FBLN7: variants seen among roughly 807,000 people sequenced by gnomAD.
The protein encoded by FBLN7 is fibulin 7, also known as fibulin-7.
Under a neutral mutation model 44.0 loss-of-function variants are expected in FBLN7, and 31 were observed. That is an observed-to-expected ratio of 0.70 (90% CI 0.53 to 0.95). FBLN7 has a LOEUF of 0.95. FBLN7 is among the 40% of genes least tolerant of loss of function. The probability of loss-of-function intolerance (pLI) is 0.00; values close to 1 mark genes in which losing one functional copy is unlikely to be tolerated. For synonymous variants in FBLN7, 262 were observed against 253.4 expected, an observed-to-expected ratio of 1.03 and a Z score of -0.32; for missense variants, 573 against 618.5, an observed-to-expected ratio of 0.93 and a Z score of 0.78.
the FBLN7 span, among the ~76,000 whole-genome samples, chr2:112,225,660 T>A: frequency 3.3e-5 from 5 of 151,842 alleles, no homozygotes; most frequent in Non-Finnish European, 7.4e-5. Flanking sequence ...CTACTAAAAA[T>A]ACAAAAATTA....
At chr2:112,229,217 T>C in the FBLN7 span, among the ~76,000 whole-genome samples, 1 of 152,152 alleles carries the variant, frequency 6.6e-6, no homozygotes, top group Non-Finnish European at 1.5e-5. Flanking sequence ...AATTAAATAA[T>C]GCTTGGGAGA....
chr2:112,183,077 C>A, intron 6 of FBLN7, 149 bp downstream of exon 6: 2 of 1,027,418 alleles, frequency 1.9e-6, no homozygotes, highest in South Asian at 1.7e-5. Context: ...AAGGGCTTCT[C>A]AAAGGTCAGG....
Position 112,159,664 on chromosome 2 carries a change from T to C in FBLN7, c.76-12T>C. 1 of 1,513,022 alleles carries C rather than the reference T, an allele frequency of 6.6e-7. No homozygotes were observed. Among genetic ancestry groups the C allele is most frequent in the Admixed American group, 2.1e-5 (1 of 47,232 alleles). The allele number at this position is 1,513,022 out of a possible 1,614,324, so 93.7% of individuals were successfully genotyped here. A position where few individuals can be genotyped will look rare whatever the true frequency, so the allele number is the denominator to read the frequency against. On this transcript the variant is annotated splice_polypyrimidine_tract_variant and intron_variant, in intron 1 of 7. Coordinates refer to ENST00000331203, the MANE Select transcript of FBLN7 (RefSeq NM_153214.3). ...CTCAATGGGTGGTGGCGGCGATGTC[T>C]TCTCTCCGCAGAACTGTCTCAGCAA...
Position 112,158,538 on chromosome 2 carries a change from C to T in FBLN7, c.76-1138C>T, listed in dbSNP as rs986744178. Reference sequence around the variant, plus strand: ...GCAACCTCTGCCTCCCAGGTTCAAGCGATTCTCCTGCCTCAGCCTCCCGAG... The same window carrying T: ...GCAACCTCTGCCTCCCAGGTTCAAGTGATTCTCCTGCCTCAGCCTCCCGAG... On this transcript the variant is annotated intron_variant, in intron 1 of 7. Transcript: ENST00000331203. Among the ~76,000 whole-genome samples the T allele has an allele frequency of 5.3e-5, 8 of 151,948 alleles. No individual in the cohort carries two copies. The East Asian group carries it at 7.7e-4, about 15-fold the overall frequency.
intron 7 of FBLN7, 27 bp downstream of exon 7, chr2:112,185,366 C>T: frequency 6.2e-7 from 1 of 1,601,852 alleles, no homozygotes; most frequent in Non-Finnish European, 8.5e-7. Context: ...GAGGCACACC[C>T]TCACCCAGGC....
intron 1 of FBLN7, among the ~76,000 whole-genome samples, chr2:112,145,151 G>C (rs1680843825): frequency 6.6e-6 from 1 of 152,194 alleles, no homozygotes; most frequent in Admixed American, 6.5e-5. Flanking sequence ...TAAGCATGCA[G>C]TGGTATCTCA....
At chr2:112,228,709 G>GC in the FBLN7 span, among the ~76,000 whole-genome samples, 3 of 152,208 alleles carry the variant, frequency 2.0e-5, no homozygotes, top group South Asian at 6.2e-4. Flanking sequence ...AACACGGAAA[G>GC]CATGATCCAT....
At chr2:112,184,807 C>CAT (rs141347514) in intron 6 of FBLN7, among the ~76,000 whole-genome samples, 24 of 143,434 alleles carry the variant, frequency 1.7e-4, no homozygotes, top group East Asian at 6.1e-4. Flanking sequence ...ACCATATATA[C>CAT]ATATATATAT....
chr2:112,200,577 C>T, the FBLN7 span, among the ~76,000 whole-genome samples: 1 of 152,196 alleles, frequency 6.6e-6, no homozygotes, highest in African/African-American at 2.4e-5. Context: ...CTCTGTCCCC[C>T]AGTCTGGAGT....
the FBLN7 span, among the ~76,000 whole-genome samples, chr2:112,236,937 T>A: frequency 1.3e-5 from 2 of 152,148 alleles, no homozygotes; most frequent in Non-Finnish European, 2.9e-5. Context: ...ACGCCTGTAG[T>A]CCAGCTACTC....
chr2:112,151,167 T>G (rs919111564), intron 1 of FBLN7: 1 of 152,258 alleles, frequency 6.6e-6, no homozygotes, highest in Non-Finnish European at 1.5e-5. Flanking sequence ...GCAGAACGGA[T>G]TCCGCTGGAT....
chr2:112,170,606 A>ATTTGG (rs1682409916), intron 3 of FBLN7, among the ~76,000 whole-genome samples: 1 of 152,188 alleles, frequency 6.6e-6, no homozygotes, highest in Admixed American at 6.5e-5. Flanking sequence ...AATTTGGCAC[A>ATTTGG]ATTGAAGAAA....
At chr2:112,226,513 C>T in the FBLN7 span, among the ~76,000 whole-genome samples, 6 of 133,480 alleles carry the variant, frequency 4.5e-5, no homozygotes, top group African/African-American at 1.5e-4. Context: ...GGTGTGAACC[C>T]GGGAGGTGGA....
the FBLN7 span, among the ~76,000 whole-genome samples, chr2:112,236,381 G>T: frequency 6.6e-6 from 1 of 152,134 alleles, no homozygotes; most frequent in African/African-American, 2.4e-5. Flanking sequence ...AAAGAAAGCT[G>T]CAATAAGAAG....
intron 2 of FBLN7, among the ~76,000 whole-genome samples, chr2:112,160,854 A>ACACGCACACGCGCACACGCACGCG (rs1346172807): frequency 1.1e-4 from 16 of 151,636 alleles, no homozygotes; most frequent in African/African-American, 3.9e-4. Context: ...ACGCGCACAC[A>ACACGCACACGCGCACACGCACGCG]CACACACACA....
Position 112,182,897 on chromosome 2 carries a change from C to T in FBLN7, c.777C>T (p.Tyr259=). Residue 259 remains tyrosine, a synonymous_variant, in exon 6 of 8, where the codon TAC becomes TAT. Coordinates refer to ENST00000331203, the MANE Select transcript of FBLN7 (RefSeq NM_153214.3). ...ACCGTTGCACCTGCCCCGGTGGATA[C>T]CGAACTCTGGCTGACGGGAAGAGCT... is the stretch of plus-strand genomic sequence containing the variant. ...GSYRCTCPGG[Y]RTLADGKSCE... The T allele has an allele frequency of 6.2e-7, 1 of 1,612,966 alleles. No homozygotes were observed. The highest frequency in any genetic ancestry group is 1.1e-5 in the South Asian group (1 of 90,872).
chr2:112,157,899 G>A (rs1181793708), intron 1 of FBLN7, among the ~76,000 whole-genome samples: 1 of 141,268 alleles, frequency 7.1e-6, no homozygotes, highest in African/African-American at 2.7e-5. Flanking sequence ...TGGTTCTTTG[G>A]TTCTTTTTTT....
chr2:112,170,261 C>T (rs1441772978), intron 3 of FBLN7, among the ~76,000 whole-genome samples: 1 of 144,076 alleles, frequency 6.9e-6, no homozygotes, highest in Non-Finnish European at 1.5e-5. Flanking sequence ...CAAAACAAAA[C>T]AAAAACAGAA....
intron 4 of FBLN7, among the ~76,000 whole-genome samples, chr2:112,181,465 C>T (rs7600843): frequency 0.51 from 77,314 of 151,936 alleles, 20,405 homozygotes; most frequent in East Asian, 0.78. Context: ...GTGGATTTGC[C>T]CCAGCTGTCC....
Sources: allele counts gnomAD v4.1 joint callset (sites outside exome capture counted in the v4.1 genomes callset), GRCh38; gene constraint gnomAD v4.1.1; transcripts MANE v1.5; gene names NCBI Gene and HGNC (gene_info 2026-07-23, HGNC 2026-07-21).